The following NOS1AP variants were observed in gnomAD, a reference collection of about 807,000 sequenced individuals.
NOS1AP encodes carboxyl-terminal PDZ ligand of neuronal nitric oxide synthase protein.
NOS1AP carries 21 observed loss-of-function variants against 56.2 expected under a neutral mutation model. The observed-to-expected ratio is 0.37, with a 90% confidence interval of 0.26 to 0.54. The LOEUF is 0.54. Among genes scored for constraint, NOS1AP ranks in the 20% least tolerant of loss-of-function variants. The pLI is 0.84. For synonymous variants in NOS1AP, 270 were observed against 274.6 expected (o/e 0.98, Z 0.17); for missense variants, 522 against 657.8 (o/e 0.79, Z 2.26).
intron 1 of NOS1AP, among the ~76,000 whole-genome samples, chr1:162,122,049 C>T (rs1648263389): frequency 1.3e-5 from 2 of 152,196 alleles, no homozygotes; most frequent in African/African-American, 4.8e-5. Flanking sequence ...CAAATGACCT[C>T]TTGTTACAAG....
At chr1:162,158,749 C>G (rs2102104140) in intron 2 of NOS1AP, among the ~76,000 whole-genome samples, 1 of 152,262 alleles carries the variant, frequency 6.6e-6, no homozygotes, top group Middle Eastern at 3.4e-3. Flanking sequence ...ATATTACTCT[C>G]TGATCTCTAC....
chr1:162,230,436 C>T (rs1653086249), intron 2 of NOS1AP, among the ~76,000 whole-genome samples: 1 of 152,158 alleles, frequency 6.6e-6, no homozygotes, highest in Admixed American at 6.5e-5. Flanking sequence ...AAATATAATG[C>T]AAGCCACATA....
intron 2 of NOS1AP, among the ~76,000 whole-genome samples, chr1:162,224,877 G>A (rs1424167218): frequency 6.6e-6 from 1 of 152,196 alleles, no homozygotes; most frequent in Non-Finnish European, 1.5e-5. Flanking sequence ...TCAGAGATGG[G>A]CTGGGGGCTC....
chr1:162,181,005 A>G (rs1651239919), intron 2 of NOS1AP, among the ~76,000 whole-genome samples: 1 of 152,254 alleles, frequency 6.6e-6, no homozygotes, highest in African/African-American at 2.4e-5. Context: ...TCTATCAGCC[A>G]GCATTCTGCT....
chr1:162,349,084 G>A (rs1317790706), intron 6 of NOS1AP, among the ~76,000 whole-genome samples: 2 of 152,152 alleles, frequency 1.3e-5, no homozygotes, highest in African/African-American at 4.8e-5. Flanking sequence ...CTACTGGGGA[G>A]GCTGAGGTAG....
chr1:162,251,389 G>A (rs760268717), intron 2 of NOS1AP, among the ~76,000 whole-genome samples: 25 of 152,126 alleles, frequency 1.6e-4, no homozygotes, highest in Non-Finnish European at 2.9e-4. Flanking sequence ...ATGAGTCAAC[G>A]TTTTATGTGT....
chr1:162,224,133 T>G (rs1243825169), intron 2 of NOS1AP, among the ~76,000 whole-genome samples: 1 of 152,050 alleles, frequency 6.6e-6, no homozygotes, highest in African/African-American at 2.4e-5. Context: ...GTCCTAACGC[T>G]TTTCATTCCA....
chr1:162,163,678 T>C (rs1477653238), intron 2 of NOS1AP, among the ~76,000 whole-genome samples: 1 of 152,064 alleles, frequency 6.6e-6, no homozygotes, highest in Non-Finnish European at 1.5e-5. Context: ...CAGGTCACCA[T>C]TCCTGGGGGG....
Position 162,367,577 on chromosome 1 carries a change from C to A in NOS1AP, c.*110C>A. 1.6e-6 allele frequency: 2 copies of A among 1,227,452 alleles called. No homozygotes were observed. The highest frequency in any genetic ancestry group is 2.2e-6 in the Non-Finnish European group (2 of 898,154). 76.0% of individuals were successfully genotyped at this position (1,227,452 alleles called of 1,614,324 possible). On this transcript the variant is annotated 3_prime_UTR_variant, in exon 10 of 10. Coordinates refer to ENST00000361897, the MANE Select transcript of NOS1AP (RefSeq NM_014697.3). The surrounding 1 kb of genome is among the most constrained non-coding windows in gnomAD (Gnocchi z 6.5). ...TGTGCACTGCCGAGGAGAATGCCAG[C>A]CAGGGCCCGGGAGAGTGTGAGGTTT...
At chr1:162,321,727 AAAAAATAT>A (rs1272854066) in intron 4 of NOS1AP, among the ~76,000 whole-genome samples, 10 of 130,528 alleles carry the variant, frequency 7.7e-5, no homozygotes, top group East Asian at 6.2e-4. Context: ...ATTAAAAAAA[AAAAAATAT>A]ATATATATAT....
intron 1 of NOS1AP, among the ~76,000 whole-genome samples, chr1:162,111,148 G>C (rs1647693878): frequency 6.6e-6 from 1 of 152,260 alleles, no homozygotes; most frequent in South Asian, 2.1e-4. Flanking sequence ...GTGACACAGA[G>C]TGTCTGGAGT....
intron 5 of NOS1AP, among the ~76,000 whole-genome samples, chr1:162,342,804 C>T (rs899521447): frequency 6.6e-6 from 1 of 152,050 alleles, no homozygotes; most frequent in Non-Finnish European, 1.5e-5. Flanking sequence ...CCATGGCTGA[C>T]CTGAAGTCAG....
chr1:162,250,878 A>G (rs183554825), intron 2 of NOS1AP, among the ~76,000 whole-genome samples: 37 of 152,216 alleles, frequency 2.4e-4, no homozygotes, highest in African/African-American at 8.2e-4. Context: ...TTTGTAACCC[A>G]AAAGCTAACC....
chr1:162,299,657 A>G (rs1655577360), intron 3 of NOS1AP, among the ~76,000 whole-genome samples: 1 of 152,240 alleles, frequency 6.6e-6, no homozygotes, highest in African/African-American at 2.4e-5. Flanking sequence ...TTTGTTGTCT[A>G]TAAAACAGTG....
At chr1:162,322,803 G>C (rs1656464218) in intron 4 of NOS1AP, among the ~76,000 whole-genome samples, 1 of 152,168 alleles carries the variant, frequency 6.6e-6, no homozygotes, top group South Asian at 2.1e-4. Context: ...AGGCTTTCCA[G>C]GTGGCATAAA....
intron 4 of NOS1AP, among the ~76,000 whole-genome samples, chr1:162,313,876 C>T (rs763106491): frequency 3.9e-5 from 6 of 152,094 alleles, no homozygotes; most frequent in Non-Finnish European, 5.9e-5. Context: ...GCTGGCCTCC[C>T]GCTTGATTTT....
At chr1:162,265,345 A>G (rs1269366638) in intron 2 of NOS1AP, among the ~76,000 whole-genome samples, 1 of 151,244 alleles carries the variant, frequency 6.6e-6, no homozygotes. Flanking sequence ...ATCATTTAGC[A>G]TTAGGTATAT....
intron 2 of NOS1AP, among the ~76,000 whole-genome samples, chr1:162,275,010 C>A (rs1377740266): frequency 2.0e-5 from 3 of 152,152 alleles, no homozygotes; most frequent in Admixed American, 2.0e-4. Flanking sequence ...TTTTCCCAGT[C>A]TATTACTTGT....
chr1:162,264,414 C>T (rs5020244), intron 2 of NOS1AP, among the ~76,000 whole-genome samples: 116,633 of 118,810 alleles, frequency 0.98, 57,285 homozygotes, highest in South Asian at 1. Flanking sequence ...TCTTCTCTTC[C>T]CTTCTCTTCC....
Sources: allele counts gnomAD v4.1 joint callset (sites outside exome capture counted in the v4.1 genomes callset), GRCh38; gene constraint gnomAD v4.1.1; non-coding constraint Gnocchi (gnomAD v3.1); transcripts MANE v1.5; gene names NCBI Gene and HGNC (gene_info 2026-07-23, HGNC 2026-07-21).